PCDH7: variants seen among roughly 807,000 people sequenced by gnomAD.
PCDH7 encodes protocadherin-7.
A neutral mutation model predicts 58.9 loss-of-function variants in PCDH7; 17 were observed. The ratio of observed to expected loss-of-function variants is 0.29; its 90% CI spans 0.20 to 0.43. The LOEUF (loss-of-function observed/expected upper bound fraction) is 0.43. Ranked by LOEUF, PCDH7 falls within the 20% of genes least tolerant of loss-of-function variation. The pLI is 1.00. For synonymous variants in PCDH7, 664 were observed against 616.4 expected (o/e 1.08, Z -1.14); for missense variants, 1,274 against 1,441.0 (o/e 0.88, Z 1.88).
At chr4:30,868,079 A>G (rs1223231691) in intron 1 of PCDH7, among the ~76,000 whole-genome samples, 1 of 152,020 alleles carries the variant, frequency 6.6e-6, no homozygotes, top group Non-Finnish European at 1.5e-5. Context: ...ACTACTTTTC[A>G]GTAGTCCTGT....
intron 1 of PCDH7, among the ~76,000 whole-genome samples, chr4:30,850,645 A>T (rs1732612952): frequency 6.6e-6 from 1 of 152,084 alleles, no homozygotes; most frequent in African/African-American, 2.4e-5. Context: ...AAGTTGATAC[A>T]TTTGGTGTCC....
intron 1 of PCDH7, among the ~76,000 whole-genome samples, chr4:30,914,004 C>T (rs73812675): frequency 0.014 from 2,146 of 152,192 alleles, 44 homozygotes; most frequent in African/African-American, 0.049. Context: ...TGATCTCACC[C>T]ACATTTTAGG....
rs568034659 is a variant in PCDH7, at chr4:30,818,180, G to A, written c.70+93584G>A. Among the ~76,000 whole-genome samples, 23 of 152,178 alleles carry A rather than the reference G, an allele frequency of 1.5e-4. No homozygotes were observed. The South Asian group carries it at 4.8e-3, about 32-fold the overall frequency. ...CCTTCAGATCACTCTATTTGAAATTGCACCTTCCTTCTATACCCCAAACCC... is the reference window on the plus strand; with the variant it reads ...CCTTCAGATCACTCTATTTGAAATTACACCTTCCTTCTATACCCCAAACCC... On this transcript the variant is annotated intron_variant, in intron 1 of 3. Coordinates refer to the PCDH7 transcript ENST00000509759.
At chr4:30,751,943 T>C (rs1456437284) in intron 1 of PCDH7, among the ~76,000 whole-genome samples, 1 of 152,184 alleles carries the variant, frequency 6.6e-6, no homozygotes, top group African/African-American at 2.4e-5. Context: ...TTCTCCTGTT[T>C]CAAAATAGTA....
At chr4:31,073,082 A>G (rs1758686859) in intron 3 of PCDH7, among the ~76,000 whole-genome samples, 1 of 152,184 alleles carries the variant, frequency 6.6e-6, no homozygotes, top group African/African-American at 2.4e-5. Flanking sequence ...ATATTATAGT[A>G]GATGGAGAGT....
intron 1 of PCDH7, among the ~76,000 whole-genome samples, chr4:30,784,576 GAAAATA>G (rs1723171057): frequency 6.6e-6 from 1 of 152,020 alleles, no homozygotes; most frequent in Non-Finnish European, 1.5e-5. Context: ...ATCAGGTCCT[GAAAATA>G]AAAATTAAAA....
At chr4:31,084,536 T>C (rs1322499253) in intron 3 of PCDH7, among the ~76,000 whole-genome samples, 1 of 151,136 alleles carries the variant, frequency 6.6e-6, no homozygotes, top group Non-Finnish European at 1.5e-5. Flanking sequence ...CTGCAGGCTA[T>C]ACAGGAAGCA....
chr4:31,117,229 A>T (rs897387861), intron 3 of PCDH7, among the ~76,000 whole-genome samples: 1 of 152,088 alleles, frequency 6.6e-6, no homozygotes, highest in South Asian at 2.1e-4. Flanking sequence ...ATTTTTAGCA[A>T]CTAGGGAAGT....
chr4:30,731,361 G>GTATATATATATATATATATA (rs977162352), exon 2 of PCDH7: 2 of 149,840 alleles, frequency 1.3e-5, no homozygotes, highest in African/African-American at 4.9e-5. Flanking sequence ...GTGTGTGTGT[G>GTATATATATATATATATATA]TATATATATA....
chr4:30,837,265 G>A lies in PCDH7; in HGVS notation c.71-82888G>A, dbSNP rs139587592. Among the ~76,000 whole-genome samples the A allele has an allele frequency of 6.2e-3, 945 of 152,142 alleles. 9 individuals carry two copies. Among genetic ancestry groups the A allele is most frequent in the Admixed American group, 0.01 (155 of 15,254 alleles). The stretch of plus-strand genomic sequence containing the variant: ...TCCTGCTGGCCACCTGCAGTGTGTG[G>A]TAATGCCCTTTTAACGTTCTATCCA... On this transcript the variant is annotated intron_variant, in intron 1 of 3. Transcript: ENST00000509759.
At chr4:31,108,862 C>T (rs1158177886) in intron 3 of PCDH7, among the ~76,000 whole-genome samples, 3 of 152,088 alleles carry the variant, frequency 2.0e-5, no homozygotes, top group African/African-American at 7.2e-5. Context: ...TGAAGACTCA[C>T]TGGCTTAAGG....
At chr4:30,993,526 A>C (rs1751628101) in intron 3 of PCDH7, among the ~76,000 whole-genome samples, 1 of 152,200 alleles carries the variant, frequency 6.6e-6, no homozygotes, top group Admixed American at 6.5e-5. Flanking sequence ...TTGTAGGGAA[A>C]ACCCATTCCT....
intron 3 of PCDH7, among the ~76,000 whole-genome samples, chr4:31,053,444 C>T (rs1756914835): frequency 6.6e-6 from 1 of 152,094 alleles, no homozygotes; most frequent in Non-Finnish European, 1.5e-5. Context: ...TCCATCAAAA[C>T]TCAGTTTCAA....
At chr4:31,134,239 A>T (rs1719323450) in intron 3 of PCDH7, among the ~76,000 whole-genome samples, 1 of 151,986 alleles carries the variant, frequency 6.6e-6, no homozygotes, top group East Asian at 1.9e-4. Context: ...AGGTTGGGGG[A>T]TCATGAGGTC....
At chr4:30,836,710 G>A (rs1730528241) in intron 1 of PCDH7, among the ~76,000 whole-genome samples, 2 of 151,818 alleles carry the variant, frequency 1.3e-5, no homozygotes, top group Admixed American at 1.3e-4. Context: ...GTAGCCTGGA[G>A]GTTATCATAA....
At chr4:30,772,135 G>A (rs1721496153) in intron 1 of PCDH7, among the ~76,000 whole-genome samples, 1 of 152,166 alleles carries the variant, frequency 6.6e-6, no homozygotes, top group Non-Finnish European at 1.5e-5. Context: ...CTCCAAAAGT[G>A]CTGGGATTAC....
intron 3 of PCDH7, among the ~76,000 whole-genome samples, chr4:30,977,196 C>G (rs1750147424): frequency 6.6e-6 from 1 of 152,168 alleles, no homozygotes; most frequent in Non-Finnish European, 1.5e-5. Context: ...ATTAGAACTA[C>G]TATCTCTATA....
rs1396028065 is a variant in PCDH7 at position 30,974,722 on chromosome 4, C to T, written c.*7+24507C>T. Among the ~76,000 whole-genome samples the T allele has an allele frequency of 5.9e-5, 9 of 152,220 alleles. No individual in the cohort carries two copies. In the East Asian group the frequency reaches 1.7e-3, roughly 29 times the overall value. On this transcript the variant is annotated intron_variant, in intron 3 of 3. Coordinates refer to the PCDH7 transcript ENST00000509759. ...CCCTTCCCACTGTTCTCTATTCAGCCCAATTCAGCAGTTTTAAATAAGCAT... is the reference window on the plus strand; with the variant it reads ...CCCTTCCCACTGTTCTCTATTCAGCTCAATTCAGCAGTTTTAAATAAGCAT...
chr4:30,818,559 C>A (rs528010622), intron 1 of PCDH7, among the ~76,000 whole-genome samples: 34 of 152,286 alleles, frequency 2.2e-4, no homozygotes, highest in South Asian at 1.0e-3. Flanking sequence ...ATAATTAATT[C>A]TCTATATATG....
Sources: gnomAD v4.1 joint callset for allele counts (sites outside exome capture counted in the v4.1 genomes callset) on GRCh38, gnomAD v4.1.1 for gene constraint, MANE v1.5 for transcripts, NCBI Gene and HGNC (gene_info 2026-07-23, HGNC 2026-07-21) for gene names.